The following TCF20 variants were observed in gnomAD, a reference collection of about 807,000 sequenced individuals.
TCF20 encodes the protein transcription factor 20.
TCF20 carries 3 observed loss-of-function variants against 148.6 expected under a neutral mutation model. The observed-to-expected ratio is 0.02, with a 90% CI of 0.01 to 0.05. TCF20 has a LOEUF of 0.05. Among genes scored for constraint, TCF20 ranks in the 10% least tolerant of loss-of-function variants. The pLI is 1.00. For synonymous variants in TCF20, 1,049 were observed against 909.5 expected, an observed-to-expected ratio of 1.15 and a Z score of -2.76; for missense variants, 2,350 against 2,429.3, an observed-to-expected ratio of 0.97 and a Z score of 0.69.
intron 2 of TCF20, among the ~76,000 whole-genome samples, chr22:42,184,778 G>A (rs1936967741): frequency 6.6e-6 from 1 of 152,130 alleles, no homozygotes. Flanking sequence ...TTATGGAAGG[G>A]AATAAAAACT....
At chr22:42,177,023 T>A (rs1182745934) in intron 3 of TCF20, among the ~76,000 whole-genome samples, 1 of 152,200 alleles carries the variant, frequency 6.6e-6, no homozygotes, top group African/African-American at 2.4e-5. Flanking sequence ...GACATGTTGT[T>A]TGAGACGATG....
chr22:42,231,715 G>A (rs1923419022), intron 1 of TCF20, among the ~76,000 whole-genome samples: 1 of 152,074 alleles, frequency 6.6e-6, no homozygotes, highest in Non-Finnish European at 1.5e-5. Flanking sequence ...GGATCACAAG[G>A]TCAGCAGATC....
upstream of TCF20, among the ~76,000 whole-genome samples, chr22:42,286,101 C>T (rs1418827501): frequency 1.3e-5 from 2 of 152,332 alleles, no homozygotes; most frequent in African/African-American, 2.4e-5. Flanking sequence ...GCCTGCCTCA[C>T]CCTATGTGAA....
Position 42,270,413 on chromosome 22 carries a change from G to A in TCF20, c.-111C>T, listed in dbSNP as rs1926543207. ...GGAGGGAGCGGTGGCGACGGCGGGC[G>A]GCGCTGCGCGGGGTGGGGGTGGGGG... On this transcript the variant is annotated 5_prime_UTR_variant, in exon 1 of 6. Coordinates refer to ENST00000677622, the MANE Select transcript of TCF20 (RefSeq NM_001378418.1). Among the ~76,000 whole-genome samples the A allele has an allele frequency of 6.7e-6, 1 of 148,596 alleles. No individual in the cohort carries two copies. Among genetic ancestry groups the A allele is most frequent in the South Asian group, 2.1e-4 (1 of 4,796 alleles).
rs1601598821 is a variant in TCF20 at position 42,212,849 on chromosome 22, G to A, written c.2457C>T (p.Pro819=). The A allele has an allele frequency of 6.2e-7, 1 of 1,614,160 alleles. No individual in the cohort carries two copies. The highest frequency in any genetic ancestry group is 2.2e-5 in the East Asian group (1 of 44,876). ...CTGTGCTGCTTGATTTCCTTTCCCA[G>A]GGGCCCCAGTGGGGATTTTCTAATA... ...GSLLENPHWG[P]WERKSSSTAP... is the part of the protein sequence containing the mutation. The change falls in exon 2 of 6, where the codon CCC becomes CCT. Residue 819 remains proline, a synonymous_variant. Transcript: ENST00000677622.
At chr22:42,165,741 G>A (rs1000833555) in intron 5 of TCF20, among the ~76,000 whole-genome samples, 1 of 152,214 alleles carries the variant, frequency 6.6e-6, no homozygotes, top group Non-Finnish European at 1.5e-5. Context: ...GCAGATCAAC[G>A]GGCTGAGAGC....
chr22:42,242,439 C>A (rs1924523324), intron 1 of TCF20, among the ~76,000 whole-genome samples: 1 of 151,888 alleles, frequency 6.6e-6, no homozygotes, highest in Non-Finnish European at 1.5e-5. Context: ...TAACATGAAC[C>A]TGTTCTGTAA....
intron 1 of TCF20, among the ~76,000 whole-genome samples, chr22:42,310,303 T>G (rs942598049): frequency 6.6e-6 from 1 of 152,152 alleles, no homozygotes; most frequent in African/African-American, 2.4e-5. Context: ...AAGGGCCTAC[T>G]ATGTGCCAGG....
chr22:42,240,882 C>G (rs542898512), intron 1 of TCF20, among the ~76,000 whole-genome samples: 1 of 151,868 alleles, frequency 6.6e-6, no homozygotes, highest in African/African-American at 2.4e-5. Flanking sequence ...GAGACAGAGT[C>G]TTGCTCTGTC....
intron 1 of TCF20, among the ~76,000 whole-genome samples, chr22:42,324,675 A>G (rs1421798012): frequency 6.6e-6 from 1 of 152,214 alleles, no homozygotes; most frequent in African/African-American, 2.4e-5. Flanking sequence ...ATTTAAGAAA[A>G]TAATCTCCAC....
intron 2 of TCF20, among the ~76,000 whole-genome samples, chr22:42,201,392 T>C (rs1938003966): frequency 6.6e-6 from 1 of 152,208 alleles, no homozygotes; most frequent in Admixed American, 6.5e-5. Context: ...TCCTGAATCA[T>C]TCTGTGGATA....
rs575752691 is a variant in TCF20 at position 42,299,105 on chromosome 22, G to A, written c.-37+44374C>T. Among the ~76,000 whole-genome samples, 4 of 152,218 alleles carry A rather than the reference G, an allele frequency of 2.6e-5. No homozygotes were observed. The highest frequency in any genetic ancestry group is 5.9e-5 in the Non-Finnish European group (4 of 68,038). ...CTGCCCAGACCCCTGCTGTGGAGGG[G>A]AACGGAGACCTGGAGGGGTACCCCC... On this transcript the variant is annotated intron_variant, in intron 1 of 1. Coordinates refer to the TCF20 transcript ENST00000515426. The surrounding 1 kb of genome is among the most constrained non-coding windows in gnomAD (Gnocchi z 4.1).
At chr22:42,320,473 C>T (rs1328304183) in intron 1 of TCF20, among the ~76,000 whole-genome samples, 1 of 152,226 alleles carries the variant, frequency 6.6e-6, no homozygotes, top group Non-Finnish European at 1.5e-5. Flanking sequence ...CTTCCTCCAC[C>T]TCAATCCCCA....
In TCF20 at chr22:42,213,412, G is replaced by GATCATCCTC. The variant is rs777693515; in HGVS notation, c.1885_1893dup (p.Glu629_Asp631dup). On this transcript the variant is annotated inframe_insertion, in exon 2 of 6. Coordinates refer to ENST00000677622, the MANE Select transcript of TCF20 (RefSeq NM_001378418.1). The stretch of plus-strand genomic sequence containing the variant: ...CTAGGTGGCCTTTGAGTGGCTGCAG[G>GATCATCCTC]ATCATCCTCTTGGGAGCCTTTATCT... 1.2e-6 allele frequency: 2 copies of GATCATCCTC among 1,614,170 alleles called. No individual in the cohort carries two copies. The highest frequency in any genetic ancestry group is 1.7e-6 in the Non-Finnish European group (2 of 1,180,028).
intron 2 of TCF20, among the ~76,000 whole-genome samples, chr22:42,208,832 T>C (rs911691018): frequency 1.3e-5 from 2 of 151,976 alleles, no homozygotes; most frequent in African/African-American, 2.4e-5. Context: ...ACATGACAAA[T>C]TGCCTGAACT....
At chr22:42,274,085 T>G (rs572431197), upstream of TCF20, 10 of 152,760 alleles carry the variant, frequency 6.5e-5, no homozygotes, top group African/African-American at 2.4e-4. Context: ...GCTCCAGCTC[T>G]CCTTCCTCTT....
At chr22:42,253,167 C>G (rs1925516720) in intron 1 of TCF20, among the ~76,000 whole-genome samples, 1 of 152,122 alleles carries the variant, frequency 6.6e-6, no homozygotes, top group Non-Finnish European at 1.5e-5. Flanking sequence ...TTAATGTAAA[C>G]TAAAGCAAAG....
intron 1 of TCF20, among the ~76,000 whole-genome samples, chr22:42,247,123 C>T (rs1924984179): frequency 6.6e-6 from 1 of 151,846 alleles, no homozygotes; most frequent in Non-Finnish European, 1.5e-5. Context: ...TTGAGAAAGG[C>T]CTTGAAATAT....
chr22:42,289,266 A>T (rs1927090020), intron 1 of TCF20, among the ~76,000 whole-genome samples: 1 of 152,076 alleles, frequency 6.6e-6, no homozygotes, highest in Admixed American at 6.5e-5. Flanking sequence ...CATTTTACAG[A>T]TGGGGCCACC....
Sources: gnomAD v4.1 joint callset for allele counts (sites outside exome capture counted in the v4.1 genomes callset) on GRCh38, gnomAD v4.1.1 for gene constraint, Gnocchi (gnomAD v3.1) non-coding constraint, MANE v1.5 for transcripts, NCBI Gene and HGNC (gene_info 2026-07-23, HGNC 2026-07-21) for gene names.